The following SYN3 variants were observed in gnomAD, a reference collection of about 807,000 sequenced individuals.
The protein encoded by SYN3 is synapsin-3.
A neutral mutation model predicts 65.8 loss-of-function variants in SYN3; 35 were observed. That is an observed-to-expected ratio of 0.53 (90% CI 0.41 to 0.70). The LOEUF (loss-of-function observed/expected upper bound fraction) is 0.70. Ranked by LOEUF, SYN3 falls within the 30% of genes least tolerant of loss-of-function variation. The pLI is 0.00. For missense variants in SYN3, 680 were observed against 749.0 expected (o/e 0.91, Z 1.08); for synonymous variants, 270 against 292.9 (o/e 0.92, Z 0.80).
chr22:32,565,113 C>T (rs1043141457), intron 7 of SYN3, among the ~76,000 whole-genome samples: 7 of 151,814 alleles, frequency 4.6e-5, no homozygotes, highest in Non-Finnish European at 8.8e-5. Flanking sequence ...TGCACCCAGA[C>T]AGTGCTCCCG....
At chr22:32,986,755 T>C (rs977213493) in intron 2 of SYN3, among the ~76,000 whole-genome samples, 11 of 152,158 alleles carry the variant, frequency 7.2e-5, no homozygotes, top group Non-Finnish European at 1.2e-4. Context: ...CACCCTAATA[T>C]GTTCAATCTC....
chr22:32,955,001 A>G (rs1331527846), intron 3 of SYN3, among the ~76,000 whole-genome samples: 1 of 150,608 alleles, frequency 6.6e-6, no homozygotes, highest in African/African-American at 2.5e-5. Context: ...TGTAGGAAGG[A>G]AAAAAGGCAC....
intron 6 of SYN3, among the ~76,000 whole-genome samples, chr22:32,809,151 C>T (rs907590613): frequency 3.9e-5 from 6 of 152,244 alleles, no homozygotes; most frequent in Non-Finnish European, 1.5e-5. Flanking sequence ...ATCCCAGCTG[C>T]CTGATGAGCT....
intron 12 of SYN3, among the ~76,000 whole-genome samples, chr22:32,524,620 G>A (rs1350528079): frequency 6.6e-6 from 1 of 152,216 alleles, no homozygotes; most frequent in African/African-American, 2.4e-5. Flanking sequence ...TGATGGAGAT[G>A]TACAAGATAA....
chr22:32,620,802 C>T (rs1022328617), intron 6 of SYN3, among the ~76,000 whole-genome samples: 2 of 152,064 alleles, frequency 1.3e-5, no homozygotes, highest in Non-Finnish European at 2.9e-5. Flanking sequence ...TCACTGCAAC[C>T]TCCGCCTCCC....
At chr22:32,983,810 G>T (rs241709) in intron 2 of SYN3, among the ~76,000 whole-genome samples, 96,535 of 152,010 alleles carry the variant, frequency 0.64, 31,087 homozygotes, top group East Asian at 0.78. Context: ...GAAACCTATG[G>T]GTCATATGTC....
chr22:32,865,210 T>C (rs1569287048), intron 5 of SYN3, among the ~76,000 whole-genome samples: 2 of 152,222 alleles, frequency 1.3e-5, no homozygotes, highest in Non-Finnish European at 2.9e-5. Flanking sequence ...CCTCCATTTC[T>C]GCCCAAGACC....
At chr22:32,955,276 C>T (rs1259400681) in intron 3 of SYN3, among the ~76,000 whole-genome samples, 3 of 152,144 alleles carry the variant, frequency 2.0e-5, no homozygotes, top group Non-Finnish European at 4.4e-5. Context: ...GAAAGGCCAG[C>T]GGGTTCAGCA....
At chr22:32,706,607 G>A (rs932753001) in intron 6 of SYN3, among the ~76,000 whole-genome samples, 1 of 152,216 alleles carries the variant, frequency 6.6e-6, no homozygotes, top group African/African-American at 2.4e-5. Context: ...TGTAGAAAAA[G>A]GGAGACCATG....
At chr22:32,637,182 T>C (rs772245691) in intron 6 of SYN3, among the ~76,000 whole-genome samples, 1 of 152,236 alleles carries the variant, frequency 6.6e-6, no homozygotes, top group Non-Finnish European at 1.5e-5. Flanking sequence ...AGTGAAGTGT[T>C]GTAATAGAGA....
intron 6 of SYN3, among the ~76,000 whole-genome samples, chr22:32,707,353 G>A (rs764923398): frequency 2.6e-5 from 4 of 152,184 alleles, no homozygotes; most frequent in Admixed American, 6.5e-5. Context: ...TGGAGGAAAC[G>A]TCAGTCATCT....
chr22:32,683,060 C>G (rs968775076), intron 6 of SYN3, among the ~76,000 whole-genome samples: 7 of 152,154 alleles, frequency 4.6e-5, no homozygotes, highest in African/African-American at 1.4e-4. Context: ...GTCATCCATG[C>G]AAGAGTGGAC....
intron 6 of SYN3, among the ~76,000 whole-genome samples, chr22:32,864,268 G>A (rs1255186893): frequency 6.6e-6 from 1 of 152,174 alleles, no homozygotes; most frequent in African/African-American, 2.4e-5. Context: ...AAGCAGGCAT[G>A]TTGCAGGCTC....
At chr22:32,969,295 C>T (rs1007756208) in intron 3 of SYN3, among the ~76,000 whole-genome samples, 4 of 152,122 alleles carry the variant, frequency 2.6e-5, no homozygotes, top group African/African-American at 9.7e-5. Flanking sequence ...AAGGGTCATG[C>T]AACGGGCAAC....
intron 4 of SYN3, among the ~76,000 whole-genome samples, chr22:32,918,829 C>T (rs1322626187): frequency 6.6e-6 from 1 of 152,172 alleles, no homozygotes; most frequent in African/African-American, 2.4e-5. Context: ...TCTGTCCCCA[C>T]TTCAGGTGGG....
At chr22:32,935,334 ATTAG>A (rs1414329422) in intron 3 of SYN3, among the ~76,000 whole-genome samples, 4 of 151,612 alleles carry the variant, frequency 2.6e-5, no homozygotes, top group Non-Finnish European at 4.4e-5. Flanking sequence ...AAAATAACAA[ATTAG>A]TTATTCACCT....
chr22:32,522,760 A>G (rs2146102340), intron 12 of SYN3, among the ~76,000 whole-genome samples: 1 of 152,186 alleles, frequency 6.6e-6, no homozygotes, highest in African/African-American at 2.4e-5. Context: ...CATTTATCTC[A>G]TGGACAAGCA....
intron 6 of SYN3, among the ~76,000 whole-genome samples, chr22:32,760,186 C>T (rs2045436573): frequency 7.6e-6 from 1 of 132,154 alleles, no homozygotes; most frequent in South Asian, 2.6e-4. Context: ...CACGTACCCC[C>T]CAGCCAGCAC....
At chr22:32,876,172 C>CT (rs2048975837) in intron 4 of SYN3, among the ~76,000 whole-genome samples, 1 of 152,118 alleles carries the variant, frequency 6.6e-6, no homozygotes. Flanking sequence ...TCTGCTGAGG[C>CT]CCCCTTCCTA....
Sources: gnomAD v4.1 joint callset for allele counts (sites outside exome capture counted in the v4.1 genomes callset) on GRCh38, gnomAD v4.1.1 for gene constraint, MANE v1.5 for transcripts, NCBI Gene and HGNC (gene_info 2026-07-23, HGNC 2026-07-21) for gene names.